MYO16: variants seen among roughly 807,000 people sequenced by gnomAD.
MYO16 encodes the protein myosin XVI, also known as unconventional myosin-XVI.
MYO16 carries 94 observed loss-of-function variants against 205.3 expected under a neutral mutation model. The ratio of observed to expected loss-of-function variants is 0.46; its 90% CI spans 0.39 to 0.54. The LOEUF is 0.54. MYO16 is among the 20% of genes least tolerant of loss of function. The pLI, the probability that MYO16 is intolerant of heterozygous loss-of-function variation, is 0.00. For synonymous variants in MYO16, 988 were observed against 954.0 expected (o/e 1.04, Z -0.66); for missense variants, 2,315 against 2,387.5 (o/e 0.97, Z 0.63).
At chr13:108,926,447 A>G (rs1232686993) in intron 16 of MYO16, among the ~76,000 whole-genome samples, 2 of 152,226 alleles carry the variant, frequency 1.3e-5, no homozygotes, top group Non-Finnish European at 2.9e-5. Context: ...TTGCAATGTG[A>G]GAAACATCCC....
chr13:108,718,821 CA>C (rs1389243442), intron 3 of MYO16, among the ~76,000 whole-genome samples: 2 of 152,044 alleles, frequency 1.3e-5, no homozygotes, highest in African/African-American at 4.8e-5. Flanking sequence ...AATTTTAGAT[CA>C]TTAGTGAGAT....
At chr13:108,920,801 A>T (rs1881716307) in intron 16 of MYO16, among the ~76,000 whole-genome samples, 1 of 152,228 alleles carries the variant, frequency 6.6e-6, no homozygotes, top group African/African-American at 2.4e-5. Flanking sequence ...CGTATAAATA[A>T]GAGATATTTA....
intron 12 of MYO16, among the ~76,000 whole-genome samples, chr13:108,879,118 A>G (rs1380494679): frequency 6.6e-6 from 1 of 152,202 alleles, no homozygotes. Context: ...TCCCTTAAAC[A>G]TTAGCACTTC....
intron 1 of MYO16, among the ~76,000 whole-genome samples, chr13:108,635,635 G>A (rs1472943268): frequency 6.6e-6 from 1 of 151,792 alleles, no homozygotes; most frequent in Admixed American, 6.6e-5. Flanking sequence ...CAAGTAGCTG[G>A]GACTACGGGT....
the MYO16 span, among the ~76,000 whole-genome samples, chr13:108,548,013 A>G: frequency 1.3e-5 from 2 of 152,250 alleles, no homozygotes; most frequent in Non-Finnish European, 2.9e-5. Flanking sequence ...TTCTAATACA[A>G]GGTGTTGGGA....
chr13:108,837,110 T>C (rs964709614), intron 9 of MYO16, among the ~76,000 whole-genome samples: 6 of 152,152 alleles, frequency 3.9e-5, no homozygotes, highest in Admixed American at 3.9e-4. Context: ...GTGGGAGGGA[T>C]CCAGTGGGAG....
At chr13:109,174,668 C>CTAAT (rs1397545444) in intron 33 of MYO16, among the ~76,000 whole-genome samples, 3 of 151,774 alleles carry the variant, frequency 2.0e-5, no homozygotes, top group Non-Finnish European at 4.4e-5. Context: ...ACAGATTTGA[C>CTAAT]TAATAGATTC....
At chr13:108,642,911 T>G (rs1008442356) in intron 1 of MYO16, among the ~76,000 whole-genome samples, 2 of 152,196 alleles carry the variant, frequency 1.3e-5, no homozygotes, top group African/African-American at 4.8e-5. Flanking sequence ...TTTTGTAGAT[T>G]TATTTCAACA....
At chr13:108,583,530 A>G in the MYO16 span, among the ~76,000 whole-genome samples, 4 of 152,340 alleles carry the variant, frequency 2.6e-5, no homozygotes, top group African/African-American at 9.6e-5. Context: ...GAGGACTTGG[A>G]ATATTATAAT....
At chr13:108,961,507 C>G (rs1445294443) in intron 17 of MYO16, 32 bp from the exon 18 acceptor site, 2 of 1,552,754 alleles carry the variant, frequency 1.3e-6, no homozygotes, top group African/African-American at 2.7e-5. Flanking sequence ...TCTAAGCACC[C>G]TATTCATTCT....
intron 4 of MYO16, 71 bp downstream of exon 4, chr13:108,727,654 C>CT: frequency 6.7e-7 from 1 of 1,497,348 alleles, no homozygotes; most frequent in Non-Finnish European, 9.0e-7. Context: ...TTAACTAATG[C>CT]TATTTTACAA....
At chr13:109,108,335 C>T (rs1246254329) in intron 28 of MYO16, among the ~76,000 whole-genome samples, 2 of 152,130 alleles carry the variant, frequency 1.3e-5, no homozygotes, top group African/African-American at 4.8e-5. Context: ...ATCTGCAGTG[C>T]GTTTGGGTGA....
At chr13:108,829,371 G>A (rs986269080) in intron 9 of MYO16, among the ~76,000 whole-genome samples, 1 of 152,206 alleles carries the variant, frequency 6.6e-6, no homozygotes, top group Non-Finnish European at 1.5e-5. Flanking sequence ...GGCAGCAAAA[G>A]CATCTAAAGA....
intron 5 of MYO16, among the ~76,000 whole-genome samples, chr13:108,788,867 C>T (rs1886534461): frequency 6.6e-6 from 1 of 152,134 alleles, no homozygotes; most frequent in Admixed American, 6.5e-5. Flanking sequence ...CACAGTTTTC[C>T]TTCCTCTCTT....
rs866153929 is a variant in MYO16 at position 108,820,367 on chromosome 13, C to T, written c.898C>T (p.Gln300Ter). The change falls in exon 8 of 35, where the codon CAG becomes TAG. Residue 300 changes from glutamine (Q) to a stop codon, truncating the protein, a stop_gained. Coordinates refer to ENST00000457511, the MANE Select transcript of MYO16 (RefSeq NM_001198950.3). LOFTEE classifies it high-confidence loss of function. ...TNLVKLLLMH[Q>*]ANPHLVNCNE... is the part of the protein sequence containing the mutation. ...TCTGGTGAAACTTCTCCTGATGCAT[C>T]AGGCAAACCCACACCTCGTGAACTG... The T allele has an allele frequency of 6.2e-7, 1 of 1,606,162 alleles. No homozygotes were observed. Among genetic ancestry groups the T allele is most frequent in the Non-Finnish European group, 8.5e-7 (1 of 1,175,976 alleles).
At chr13:109,122,590 A>G (rs1876042046) in intron 29 of MYO16, among the ~76,000 whole-genome samples, 1 of 151,870 alleles carries the variant, frequency 6.6e-6, no homozygotes. Context: ...AGGCAGGAGA[A>G]CCACTTGAAC....
intron 16 of MYO16, among the ~76,000 whole-genome samples, chr13:108,950,415 G>T (rs893738264): frequency 1.3e-5 from 2 of 152,060 alleles, no homozygotes; most frequent in Non-Finnish European, 2.9e-5. Flanking sequence ...ATGAATATAC[G>T]GATAGCACAT....
At chr13:108,563,555 A>C in the MYO16 span, among the ~76,000 whole-genome samples, 1 of 151,988 alleles carries the variant, frequency 6.6e-6, no homozygotes, top group Non-Finnish European at 1.5e-5. Context: ...AATTGTTTTG[A>C]TTTTTAGATT....
At chr13:108,780,083 G>A (rs1229540264) in intron 4 of MYO16, 2 of 152,120 alleles carry the variant, frequency 1.3e-5, no homozygotes, top group Non-Finnish European at 2.9e-5. Context: ...TTTCCTTTTG[G>A]TTAAGTGTCA....
Sources: allele counts gnomAD v4.1 joint callset (sites outside exome capture counted in the v4.1 genomes callset), GRCh38; gene constraint gnomAD v4.1.1; transcripts MANE v1.5; gene names NCBI Gene and HGNC (gene_info 2026-07-23, HGNC 2026-07-21).